Variants in PELO observed in about 807,000 individuals in gnomAD.
PELO encodes pelota mRNA surveillance and ribosome rescue factor.
A neutral mutation model predicts 25.9 loss-of-function variants in PELO; 19 were observed. The ratio of observed to expected loss-of-function variants is 0.73; its 90% CI spans 0.51 to 1.08. The LOEUF (loss-of-function observed/expected upper bound fraction) is 1.08. Ranked by LOEUF, PELO falls within the 50% of genes least tolerant of loss-of-function variation. The pLI, the probability that PELO is intolerant of heterozygous loss-of-function variation, is 0.00. For synonymous variants in PELO, 196 were observed against 192.2 expected, an observed-to-expected ratio of 1.02 and a Z score of -0.16; for missense variants, 498 against 491.4, an observed-to-expected ratio of 1.01 and a Z score of -0.13.
chr5:52,788,085 C>T lies in PELO; in HGVS notation c.-840C>T, dbSNP rs952400519. On this transcript the variant is annotated 5_prime_UTR_variant, in exon 1 of 3. Coordinates refer to ENST00000274311, the MANE Select transcript of PELO (RefSeq NM_015946.5). ...CATGTCTCGGACAGAGCCTGGGAAG[C>T]TGCCAGTGAGATTTCAGAGACCAAG... 5 of 406,046 alleles carry T rather than the reference C, an allele frequency of 1.2e-5. No homozygotes were observed. The highest frequency in any genetic ancestry group is 6.2e-5 in the African/African-American group (3 of 48,180). 25.2% of individuals were successfully genotyped at this position (406,046 alleles called of 1,614,324 possible).
At position 52,801,950 on chromosome 5, in the gene PELO, A is replaced by T; in HGVS notation, c.*110A>T. On this transcript the variant is annotated 3_prime_UTR_variant, in exon 3 of 3. Coordinates refer to ENST00000274311, the MANE Select transcript of PELO (RefSeq NM_015946.5). ...AAGAATGGCACTTTTTGATTCATAC[A>T]GGGATTTCTTATGTCTTTGGCTACA... 1.3e-6 allele frequency: 1 copy of T among 753,288 alleles called. No individual in the cohort carries two copies. The highest frequency in any genetic ancestry group is 2.7e-5 in the East Asian group (1 of 37,318). 46.7% of individuals were successfully genotyped at this position (753,288 alleles called of 1,614,324 possible). A position where few individuals can be genotyped will look rare whatever the true frequency, so the allele number is the denominator to read the frequency against.
chr5:52,792,018 T>G (rs6879147), intron 1 of PELO, among the ~76,000 whole-genome samples: 138,432 of 152,206 alleles, frequency 0.91, 63,026 homozygotes, highest in Middle Eastern at 0.93. Context: ...TTGTCTAAAA[T>G]ACTTGGATAA....
rs1748470758 is a variant in PELO, at chr5:52,801,118, C to G, written c.724C>G (p.Gln242Glu). 1 of 1,594,984 alleles carries G rather than the reference C, an allele frequency of 6.3e-7. No individual in the cohort carries two copies. The highest frequency in any genetic ancestry group is 8.6e-7 in the Non-Finnish European group (1 of 1,169,448). The part of the protein sequence containing the change: ...LLLENRSKFL[Q>E]VHASSGHKYS... ...CCTGGAAAACCGGTCCAAATTTCTT[C>G]AGGTAAAACAATCTTACCCAGGGAT... Residue 242 changes from glutamine (Q) to glutamate (E), a missense_variant and splice_region_variant, in exon 2 of 3, where the codon CAG becomes GAG. Physicochemically the swap from Gln to Glu is conservative, Grantham distance 29. Transcript: ENST00000274311.
In PELO at chr5:52,788,328, C is replaced by G; in HGVS notation, c.-597C>G. ...GTCCTGCCCTGCGAACCAGCGCGGC[C>G]CCCTGGCGCTGAGGCTGCTCCGGCC... On this transcript the variant is annotated 5_prime_UTR_variant, in exon 1 of 3. Coordinates refer to ENST00000274311, the MANE Select transcript of PELO (RefSeq NM_015946.5). 6.7e-7 allele frequency: 1 copy of G among 1,491,296 alleles called. No homozygotes were observed. Among genetic ancestry groups the G allele is most frequent in the Non-Finnish European group, 8.9e-7 (1 of 1,126,344 alleles). The allele number at this position is 1,491,296 out of a possible 1,614,324, so 92.4% of individuals were successfully genotyped here. A position where few individuals can be genotyped will look rare whatever the true frequency, so the allele number is the denominator to read the frequency against.
chr5:52,800,606 C>T lies in PELO; in HGVS notation c.212C>T (p.Ala71Val). The T allele has an allele frequency of 6.2e-7, 1 of 1,613,658 alleles. No individual in the cohort carries two copies. The highest frequency in any genetic ancestry group is 8.5e-7 in the Non-Finnish European group (1 of 1,179,736). The change falls in exon 2 of 3, where the codon GCC becomes GTC. Residue 71 changes from alanine to valine, a missense_variant. Physicochemically the swap from Ala to Val is moderately conservative, Grantham distance 64. Coordinates refer to ENST00000274311, the MANE Select transcript of PELO (RefSeq NM_015946.5). ...VRTTLTLCVE[A>V]IDFDSQACQL... ...ACTACCCTCACTCTCTGCGTGGAGG[C>T]CATCGACTTCGACTCTCAAGCCTGC...
intron 1 of PELO, among the ~76,000 whole-genome samples, chr5:52,792,592 C>T (rs1313207139): frequency 2.0e-5 from 3 of 152,178 alleles, no homozygotes; most frequent in Admixed American, 6.5e-5. Context: ...AGATGCTCCT[C>T]TAACATGTTC....
In PELO at chr5:52,800,619, C is replaced by T; in HGVS notation, c.225C>T (p.Asp75=). 1 of 1,613,850 alleles carries T rather than the reference C, an allele frequency of 6.2e-7. No individual in the cohort carries two copies. The highest frequency in any genetic ancestry group is 8.5e-7 in the Non-Finnish European group (1 of 1,179,814). ...LTLCVEAIDF[D]SQACQLRVKG... is the part of the protein sequence containing the mutation. Reference sequence around the variant, plus strand: ...TCTGCGTGGAGGCCATCGACTTCGACTCTCAAGCCTGCCAGCTGCGGGTTA... The same window carrying T: ...TCTGCGTGGAGGCCATCGACTTCGATTCTCAAGCCTGCCAGCTGCGGGTTA... Residue 75 remains aspartate, a synonymous_variant, in exon 2 of 3, where the codon GAC becomes GAT. Transcript: ENST00000274311.
rs1748522205 is a variant in PELO at position 52,803,154 on chromosome 5, C to T, written c.*1314C>T. 1.3e-5 allele frequency: 2 copies of T among 152,186 alleles called. No homozygotes were observed. The highest frequency in any genetic ancestry group is 3.9e-4 in the East Asian group (2 of 5,186). 9.4% of individuals were successfully genotyped at this position (152,186 alleles called of 1,614,324 possible). A position where few individuals can be genotyped will look rare whatever the true frequency, so the allele number is the denominator to read the frequency against. On this transcript the variant is annotated 3_prime_UTR_variant, in exon 3 of 3. Transcript: ENST00000274311. ...TTTCCTGTGTCTGTGGGCCTTCCTC[C>T]TGGTGTGACAGACTTGGGGATTTCT...
rs560444916 is a variant in PELO, at chr5:52,799,603, A to G, written c.-510-282A>G. On this transcript the variant is annotated intron_variant, in intron 1 of 2. Transcript: ENST00000274311. ...GCAGACACGGTAACTAGGCGCAGAA[A>G]ACAGCTGGACACGTTGCTGGGAGCC... Among the ~76,000 whole-genome samples, 3 of 152,344 alleles carry G rather than the reference A, an allele frequency of 2.0e-5. No homozygotes were observed. In the South Asian group the frequency reaches 6.2e-4, roughly 32 times the overall value.
intron 1 of PELO, among the ~76,000 whole-genome samples, chr5:52,791,347 G>A (rs940143891): frequency 1.3e-5 from 2 of 152,142 alleles, no homozygotes; most frequent in African/African-American, 4.8e-5. Flanking sequence ...TCCTAGGCCT[G>A]AGGAGGTGGC....
intron 1 of PELO, among the ~76,000 whole-genome samples, chr5:52,792,841 A>G (rs1007130018): frequency 1.5e-4 from 23 of 152,320 alleles, no homozygotes; most frequent in African/African-American, 4.6e-4. Context: ...CCACAGTGCT[A>G]AAGTCAGAAT....
rs1439385026 is a variant in PELO, at chr5:52,801,142, A to G, written c.726+22A>G. The G allele has an allele frequency of 5.1e-6, 8 of 1,570,640 alleles. No homozygotes were observed. The Admixed American group carries it at 7.2e-5, about 14-fold the overall frequency. ...TCAGGTAAAACAATCTTACCCAGGG[A>G]TAATTAAGAATGGGCAGAGGGATTG... On this transcript the variant is annotated intron_variant, in intron 2 of 2. Coordinates refer to ENST00000274311, the MANE Select transcript of PELO (RefSeq NM_015946.5).
intron 2 of PELO, 119 bp downstream of exon 2, chr5:52,801,239 C>T: frequency 8.3e-7 from 1 of 1,202,666 alleles, no homozygotes; most frequent in South Asian, 1.5e-5. Context: ...CTGGGATTTT[C>T]ATGAGATAAT....
rs1432168507 is a variant in PELO, at chr5:52,800,777, C to T, written c.383C>T (p.Ala128Val). 6.2e-7 allele frequency: 1 copy of T among 1,614,000 alleles called. No homozygotes were observed. The highest frequency in any genetic ancestry group is 2.2e-5 in the East Asian group (1 of 44,888). Residue 128 changes from alanine to valine, a missense_variant, in exon 2 of 3, where the codon GCC becomes GTC. Coordinates refer to ENST00000274311, the MANE Select transcript of PELO (RefSeq NM_015946.5). ...GTGGTACTGGAGCGCATCGAGCAGGCCTGTGACCCAGCCTGGAGCGCTGAT... is the reference window on the plus strand; with the variant it reads ...GTGGTACTGGAGCGCATCGAGCAGGTCTGTGACCCAGCCTGGAGCGCTGAT... ...DSVVLERIEQ[A>V]CDPAWSADVA...
chr5:52,799,773 C>T (rs1748417220), intron 1 of PELO, 112 bp from the exon 2 acceptor site: 1 of 154,530 alleles, frequency 6.5e-6, no homozygotes, highest in African/African-American at 2.4e-5. Flanking sequence ...CTGAGAGCTA[C>T]TTTTACTGCT....
chr5:52,796,386 AT>A (rs1410334324), intron 1 of PELO, among the ~76,000 whole-genome samples: 9 of 151,986 alleles, frequency 5.9e-5, no homozygotes, highest in Non-Finnish European at 1.0e-4. Context: ...AGTTACTGAT[AT>A]AAAGATTTAT....
At position 52,800,356 on chromosome 5, in the gene PELO, T is replaced by A; in HGVS notation, c.-39T>A. 1.2e-6 allele frequency: 2 copies of A among 1,611,460 alleles called. No homozygotes were observed. The highest frequency in any genetic ancestry group is 1.7e-6 in the Non-Finnish European group (2 of 1,179,324). On this transcript the variant is annotated 5_prime_UTR_variant, in exon 2 of 3. Transcript: ENST00000274311. ...CCCGGGGCGGAGGTGAGGACCTCCT[T>A]GGTTCCTTTGGTTCTGTCAGTGAGC...
chr5:52,792,835 A>G (rs957868390), intron 1 of PELO, among the ~76,000 whole-genome samples: 21 of 152,204 alleles, frequency 1.4e-4, no homozygotes, highest in African/African-American at 5.1e-4. Flanking sequence ...CTGTTGCCAC[A>G]GTGCTAAAGT....
Position 52,793,832 on chromosome 5 carries a change from G to A in PELO, c.-511+5418G>A, listed in dbSNP as rs144833291. Among the ~76,000 whole-genome samples the A allele has an allele frequency of 4.9e-3, 740 of 152,106 alleles. 4 individuals are homozygous for A. The highest frequency in any genetic ancestry group is 6.5e-3 in the Non-Finnish European group (442 of 67,874). ...CTCTATCTTTAGAAGAGAGCTTCAG[G>A]AGAAAGGTGACAATAAAGTAATCAT... is the stretch of plus-strand genomic sequence containing the variant. On this transcript the variant is annotated intron_variant, in intron 1 of 2. Transcript: ENST00000274311.
Sources: gnomAD v4.1 joint callset for allele counts (sites outside exome capture counted in the v4.1 genomes callset) on GRCh38, gnomAD v4.1.1 for gene constraint, MANE v1.5 for transcripts, NCBI Gene and HGNC (gene_info 2026-07-23, HGNC 2026-07-21) for gene names.